The following NPHP1 variants were observed in gnomAD, a reference collection of about 807,000 sequenced individuals.
NPHP1 encodes the protein nephrocystin-1.
NPHP1 carries 70 observed loss-of-function variants against 90.4 expected under a neutral mutation model. The observed-to-expected ratio is 0.77, with a 90% CI of 0.64 to 0.95. The LOEUF is 0.95. Among genes scored for constraint, NPHP1 ranks in the 40% least tolerant of loss-of-function variants. NPHP1 has a pLI of 0.00. For missense variants in NPHP1, 764 were observed against 795.9 expected (o/e 0.96, Z 0.48); for synonymous variants, 256 against 271.7 (o/e 0.94, Z 0.57).
In NPHP1 at chr2:110,150,182, C is replaced by G. The variant is rs1681356378; in HGVS notation, c.1158G>C (p.Gln386His). The G allele has an allele frequency of 1.2e-6, 2 of 1,611,710 alleles. No individual in the cohort carries two copies. The highest frequency in any genetic ancestry group is 2.2e-5 in the South Asian group (2 of 91,052). The change falls in exon 12 of 20, where the codon CAG becomes CAC. Residue 386 changes from glutamine (Q) to histidine (H), a missense_variant and splice_region_variant. Transcript: ENST00000445609. ...KKPKTWTFSP[Q>H]VTRILPCLLD... ...TCCACTCATTCAGCAGATTACTTAC[C>G]TGGGGAGAAAAGGTCCATGTTTTGG...
rs1417066337 is a variant in NPHP1, at chr2:110,182,858, TAA to T, written c.144-3176_144-3175del. 4.6e-5 allele frequency among the ~76,000 whole-genome samples: 7 copies of T among 152,140 alleles called. No homozygotes were observed. In the East Asian group the frequency reaches 7.7e-4, roughly 17 times the overall value. The stretch of plus-strand genomic sequence containing the variant: ...AAAAGACACAGAATGGCAAGCTGGA[TAA>T]AGAGTCAAGATCCATCGGTATGCTG... On this transcript the variant is annotated intron_variant, in intron 2 of 19. Coordinates refer to ENST00000445609, the MANE Select transcript of NPHP1 (RefSeq NM_001128178.3).
chr2:110,193,316 A>G (rs1379031909), intron 2 of NPHP1, among the ~76,000 whole-genome samples: 1 of 152,158 alleles, frequency 6.6e-6, no homozygotes, highest in African/African-American at 2.4e-5. Context: ...AGGAAGATCT[A>G]CCAAGCAAAT....
At chr2:110,162,347 C>T (rs1682405229) in intron 9 of NPHP1, among the ~76,000 whole-genome samples, 1 of 152,076 alleles carries the variant, frequency 6.6e-6, no homozygotes, top group Non-Finnish European at 1.5e-5. Flanking sequence ...GGGAAACCCA[C>T]ATTACTCAAG....
intron 16 of NPHP1, among the ~76,000 whole-genome samples, chr2:110,142,539 A>T (rs1680723945): frequency 6.7e-6 from 1 of 150,300 alleles, no homozygotes; most frequent in African/African-American, 2.5e-5. Flanking sequence ...TTTGGTAGAG[A>T]TGGGGTCTTG....
chr2:110,193,414 C>G, intron 2 of NPHP1, among the ~76,000 whole-genome samples: 1 of 151,820 alleles, frequency 6.6e-6, no homozygotes, highest in Non-Finnish European at 1.5e-5. Context: ...CAAAGAAGGC[C>G]ATTACATAAT....
chr2:110,164,940 C>T, intron 7 of NPHP1, 112 bp downstream of exon 7: 1 of 946,750 alleles, frequency 1.1e-6, no homozygotes. Context: ...GAAAAGCTCT[C>T]CAGGTACAAG....
At chr2:110,183,565 A>G (rs1478269406) in intron 2 of NPHP1, among the ~76,000 whole-genome samples, 1 of 151,940 alleles carries the variant, frequency 6.6e-6, no homozygotes, top group Non-Finnish European at 1.5e-5. Flanking sequence ...TCCACACACT[A>G]TATTTCTGTG....
At chr2:110,167,949 T>C (rs902282363) in intron 6 of NPHP1, among the ~76,000 whole-genome samples, 4 of 152,198 alleles carry the variant, frequency 2.6e-5, no homozygotes, top group African/African-American at 9.6e-5. Context: ...GTGTGGCTAC[T>C]GAAAAATTTA....
In NPHP1 at chr2:110,168,457, G is replaced by C. The variant is rs144088139; in HGVS notation, c.619C>G (p.Leu207Val). ...AGGCATAAACCAAGACTAACCTCTA[G>C]GTAGGTTCTGGGAACAAGACCTTCA... is the stretch of plus-strand genomic sequence containing the variant. ...GNEGLVPRTY[L>V]EPYSEEEEGQ... Residue 207 changes from leucine to valine, a missense_variant, in exon 6 of 20, where the codon CTA becomes GTA. Physicochemically the swap from Leu to Val is conservative, Grantham distance 32. Transcript: ENST00000445609. The C allele has an allele frequency of 2.8e-5, 45 of 1,603,848 alleles. No homozygotes were observed. The African/African-American group carries it at 5.8e-4, about 21-fold the overall frequency.
intron 12 of NPHP1, among the ~76,000 whole-genome samples, chr2:110,149,483 G>A (rs1681308034): frequency 6.6e-6 from 1 of 152,130 alleles, no homozygotes; most frequent in African/African-American, 2.4e-5. Context: ...AGTCTGGACA[G>A]GCACAGCACA....
At chr2:110,167,657 C>A (rs1682810231) in intron 6 of NPHP1, among the ~76,000 whole-genome samples, 1 of 152,072 alleles carries the variant, frequency 6.6e-6, no homozygotes, top group Non-Finnish European at 1.5e-5. Flanking sequence ...AATTACTGAA[C>A]CCCTGAGGTG....
At chr2:110,124,152 T>A in intron 19 of NPHP1, 89 bp from the exon 20 acceptor site, 1 of 1,478,182 alleles carries the variant, frequency 6.8e-7, no homozygotes, top group Non-Finnish European at 9.4e-7. Flanking sequence ...ACCTAAGAGG[T>A]AGGATGGAGG....
chr2:110,170,182 GC>G (rs772132792), intron 4 of NPHP1, among the ~76,000 whole-genome samples, 184 bp from the exon 5 acceptor site: 15 of 152,172 alleles, frequency 9.9e-5, no homozygotes, highest in Non-Finnish European at 1.9e-4. Flanking sequence ...AGAGACTGAG[GC>G]GGAGAGGGAG....
intron 16 of NPHP1, among the ~76,000 whole-genome samples, chr2:110,133,937 C>T (rs1425633564): frequency 6.6e-6 from 1 of 151,772 alleles, no homozygotes; most frequent in African/African-American, 2.4e-5. Flanking sequence ...AGGAAGAGCT[C>T]AAGTCAACAA....
intron 1 of NPHP1, chr2:110,202,304 T>G: frequency 3.2e-6 from 1 of 312,966 alleles, no homozygotes; most frequent in East Asian, 7.5e-5. Context: ...AAAGAGAAAA[T>G]TCCATTAGTT....
chr2:110,146,701 A>C (rs560071510), intron 14 of NPHP1, 52 bp downstream of exon 14: 2 of 1,352,624 alleles, frequency 1.5e-6, no homozygotes, highest in African/African-American at 1.4e-5. Flanking sequence ...AGAGTCTAAA[A>C]AATGAATTTT....
chr2:110,170,237 G>T (rs1683027687), intron 4 of NPHP1, among the ~76,000 whole-genome samples: 1 of 152,144 alleles, frequency 6.6e-6, no homozygotes, highest in African/African-American at 2.4e-5. Context: ...TGGACTTGAG[G>T]CCAGGAGACT....
chr2:110,165,975 A>G (rs1682702749), intron 6 of NPHP1, among the ~76,000 whole-genome samples: 1 of 152,198 alleles, frequency 6.6e-6, no homozygotes, highest in Non-Finnish European at 1.5e-5. Flanking sequence ...GAAGATATAC[A>G]AATGGTCATA....
chr2:110,144,163 A>G (rs1431379302), intron 15 of NPHP1: 3 of 366,692 alleles, frequency 8.2e-6, no homozygotes, highest in African/African-American at 6.3e-5. Context: ...TTTGGCATGC[A>G]TATTACTGTT....
Sources: gnomAD v4.1 joint callset for allele counts (sites outside exome capture counted in the v4.1 genomes callset) on GRCh38, gnomAD v4.1.1 for gene constraint, MANE v1.5 for transcripts, NCBI Gene and HGNC (gene_info 2026-07-23, HGNC 2026-07-21) for gene names.